OR9Q1: variants seen among roughly 807,000 people sequenced by gnomAD.
The protein encoded by OR9Q1 is olfactory receptor family 9 subfamily Q member 1, also known as olfactory receptor 9Q1.
For missense variants in OR9Q1, 374 were observed against 378.8 expected (o/e 0.99, Z 0.11); for synonymous variants, 153 against 148.6 (o/e 1.03, Z -0.22).
intron 2 of OR9Q1, among the ~76,000 whole-genome samples, chr11:58,095,045 G>A (rs2120073363): frequency 6.6e-6 from 1 of 152,336 alleles, no homozygotes; most frequent in African/African-American, 2.4e-5. Context: ...GCTATTGAGA[G>A]TATTTATTGC....
intron 1 of OR9Q1, among the ~76,000 whole-genome samples, chr11:58,054,103 AATAC>A (rs1438831927): frequency 6.6e-6 from 1 of 152,208 alleles, no homozygotes; most frequent in African/African-American, 2.4e-5. Context: ...GTGCCCCATG[AATAC>A]ATACAATTTT....
intron 2 of OR9Q1, among the ~76,000 whole-genome samples, chr11:58,157,775 T>C (rs1854421741): frequency 6.6e-6 from 1 of 152,128 alleles, no homozygotes; most frequent in African/African-American, 2.4e-5. Context: ...GAAATACATA[T>C]GGAATGTTTT....
intron 2 of OR9Q1, among the ~76,000 whole-genome samples, chr11:58,092,723 A>C (rs968202552): frequency 2.4e-4 from 37 of 152,168 alleles, no homozygotes; most frequent in African/African-American, 8.9e-4. Context: ...CAATATTTGG[A>C]ATTTGCTAAT....
intron 2 of OR9Q1, among the ~76,000 whole-genome samples, chr11:58,131,858 T>C (rs1188738771): frequency 6.6e-6 from 1 of 152,120 alleles, no homozygotes; most frequent in African/African-American, 2.4e-5. Context: ...AACAGTTATT[T>C]TTCTTCTTAT....
At chr11:58,118,770 AATGGTCTTG>A (rs1174516119) in intron 2 of OR9Q1, 1 of 1,613,936 alleles carries the variant, frequency 6.2e-7, no homozygotes, top group African/African-American at 1.3e-5. Context: ...TCACTTTCAA[AATGGTCTTG>A]ATGATGAGCA....
chr11:58,138,708 T>C (rs77323525), intron 2 of OR9Q1, among the ~76,000 whole-genome samples: 1 of 152,350 alleles, frequency 6.6e-6, no homozygotes, highest in East Asian at 1.9e-4. Context: ...CTTTCATAAA[T>C]GTGTAAAATT....
At chr11:58,085,991 CTGTT>C (rs1175033184) in intron 2 of OR9Q1, among the ~76,000 whole-genome samples, 2 of 151,874 alleles carry the variant, frequency 1.3e-5, no homozygotes, top group Non-Finnish European at 2.9e-5. Flanking sequence ...GGCTACAGCT[CTGTT>C]TGGTCTTGAA....
chr11:58,043,756 C>T (rs114580759), intron 1 of OR9Q1, among the ~76,000 whole-genome samples: 9 of 152,328 alleles, frequency 5.9e-5, no homozygotes, highest in Admixed American at 2.6e-4. Context: ...ATTGTTCCAA[C>T]GTGCTTTCAC....
chr11:58,043,688 C>A (rs529443443), intron 1 of OR9Q1, among the ~76,000 whole-genome samples: 1 of 152,212 alleles, frequency 6.6e-6, no homozygotes, highest in Middle Eastern at 3.2e-3. Flanking sequence ...TTGTTTAAGG[C>A]CTGTGTCACA....
At chr11:58,069,009 G>A (rs1853461326) in intron 2 of OR9Q1, among the ~76,000 whole-genome samples, 1 of 152,150 alleles carries the variant, frequency 6.6e-6, no homozygotes, top group African/African-American at 2.4e-5. Flanking sequence ...GGGAAATTCT[G>A]CTTGTTAGTT....
chr11:58,071,598 A>G lies in OR9Q1; in HGVS notation c.-15+15651A>G, dbSNP rs866183614. On this transcript the variant is annotated intron_variant, in intron 2 of 2. Transcript: ENST00000335397. ...ATTAAATCTACCCTGCAAAGGGCCA[A>G]TGGCGTAAAAGGACTGGGATAAGAA... Among the ~76,000 whole-genome samples the G allele has an allele frequency of 5.9e-5, 9 of 152,214 alleles. No individual in the cohort carries two copies. The South Asian group carries it at 6.2e-4, about 11-fold the overall frequency.
At chr11:58,082,019 C>G (rs1020446714) in intron 2 of OR9Q1, among the ~76,000 whole-genome samples, 1 of 152,138 alleles carries the variant, frequency 6.6e-6, no homozygotes, top group East Asian at 1.9e-4. Flanking sequence ...AAATGCTCAT[C>G]ATCACTGGCC....
intron 2 of OR9Q1, among the ~76,000 whole-genome samples, chr11:58,147,857 TAAA>T (rs1854313871): frequency 6.6e-6 from 1 of 152,166 alleles, no homozygotes; most frequent in South Asian, 2.1e-4. Flanking sequence ...ATTCTTAAAA[TAAA>T]AAAGTCTCAT....
intron 2 of OR9Q1, among the ~76,000 whole-genome samples, chr11:58,148,763 TTAGA>T (rs1322976397): frequency 6.6e-6 from 1 of 152,192 alleles, no homozygotes; most frequent in African/African-American, 2.4e-5. Context: ...TGAATCTTAC[TTAGA>T]TAGAGAATGT....
In OR9Q1 at chr11:58,143,042, A is replaced by G. The variant is rs1273016932; in HGVS notation, c.-14-36389A>G. Among the ~76,000 whole-genome samples, 4 of 152,272 alleles carry G rather than the reference A, an allele frequency of 2.6e-5. No individual in the cohort carries two copies. The East Asian group carries it at 7.7e-4, about 29-fold the overall frequency. ...GGCTCACTGTCTGGCATACAAATCCATTGTGCATATATGCACATCAGAAAC... is the reference window on the plus strand; with the variant it reads ...GGCTCACTGTCTGGCATACAAATCCGTTGTGCATATATGCACATCAGAAAC... On this transcript the variant is annotated intron_variant, in intron 2 of 2. Coordinates refer to ENST00000335397, the MANE Select transcript of OR9Q1 (RefSeq NM_001005212.4).
chr11:58,031,016 A>G (rs370480579), intron 1 of OR9Q1: 1 of 1,614,182 alleles, frequency 6.2e-7, no homozygotes, highest in Non-Finnish European at 8.5e-7. Context: ...CTTTGCTGGC[A>G]TCCATGAAGC....
At chr11:58,037,047 A>G (rs1028353594) in intron 1 of OR9Q1, among the ~76,000 whole-genome samples, 2 of 152,180 alleles carry the variant, frequency 1.3e-5, no homozygotes, top group African/African-American at 2.4e-5. Context: ...AGAAGAGTCA[A>G]TCAATACAGC....
At chr11:58,140,735 T>C (rs1854239421) in intron 2 of OR9Q1, among the ~76,000 whole-genome samples, 1 of 152,224 alleles carries the variant, frequency 6.6e-6, no homozygotes, top group Non-Finnish European at 1.5e-5. Flanking sequence ...CCTCCAGCTT[T>C]GTTCTTTTGG....
At position 58,175,338 on chromosome 11, in the gene OR9Q1, G is replaced by A. The variant is rs181320858; in HGVS notation, c.-14-4093G>A. Among the ~76,000 whole-genome samples the A allele has an allele frequency of 3.9e-3, 590 of 151,996 alleles. 2 individuals carry two copies. The highest frequency in any genetic ancestry group is 7.5e-3 in the Admixed American group (115 of 15,266). On this transcript the variant is annotated intron_variant, in intron 2 of 2. Transcript: ENST00000335397. Reference sequence around the variant, plus strand: ...TCACTGTCCCTGGAGTATCCCTTGGGCTCTCCTGCCCATATATGTGCTGAC... The same window carrying A: ...TCACTGTCCCTGGAGTATCCCTTGGACTCTCCTGCCCATATATGTGCTGAC...
Sources: allele counts gnomAD v4.1 joint callset (sites outside exome capture counted in the v4.1 genomes callset), GRCh38; gene constraint gnomAD v4.1.1; transcripts MANE v1.5; gene names NCBI Gene and HGNC (gene_info 2026-07-23, HGNC 2026-07-21).